Variants in TMEM182 observed in about 807,000 individuals in gnomAD.
TMEM182 encodes the protein transmembrane protein 182.
In TMEM182, 20 loss-of-function variants were observed where a neutral mutation model predicts 26.8. That is an observed-to-expected ratio of 0.75 (90% CI 0.53 to 1.09). The LOEUF (loss-of-function observed/expected upper bound fraction) is 1.09. TMEM182 is among the 50% of genes least tolerant of loss of function. The pLI, the probability that TMEM182 is intolerant of heterozygous loss-of-function variation, is 0.00. For missense variants in TMEM182, 277 were observed against 275.5 expected, an observed-to-expected ratio of 1.01 and a Z score of -0.04; for synonymous variants, 109 against 102.2, an observed-to-expected ratio of 1.07 and a Z score of -0.40.
In TMEM182 at chr2:102,817,396, A is replaced by G; in HGVS notation, c.*2428A>G. The stretch of plus-strand genomic sequence containing the variant: ...GAGTGAATAAAAAGGGCAGTGAGTT[A>G]TGCTCTTGGACTTGGTGAAAGCTAT... On this transcript the variant is annotated 3_prime_UTR_variant, in exon 5 of 5. Coordinates refer to ENST00000412401, the MANE Select transcript of TMEM182 (RefSeq NM_144632.5). 1 of 985,446 alleles carries G rather than the reference A, an allele frequency of 1.0e-6. No homozygotes were observed. The highest frequency in any genetic ancestry group is 1.2e-6 in the Non-Finnish European group (1 of 829,924). 61.0% of individuals were successfully genotyped at this position (985,446 alleles called of 1,614,324 possible).
intron 3 of TMEM182, among the ~76,000 whole-genome samples, chr2:102,769,108 G>T (rs1169958259): frequency 1.3e-5 from 2 of 152,068 alleles, no homozygotes; most frequent in Non-Finnish European, 2.9e-5. Flanking sequence ...GAATTTAACA[G>T]TCAGTTTCTG....
rs760457739 is a variant in TMEM182, at chr2:102,797,903, A to T, written c.372A>T (p.Val124=). The change falls in exon 4 of 5, where the codon GTA becomes GTT. Residue 124 remains valine (V), a synonymous_variant. Transcript: ENST00000412401. Reference sequence around the variant, plus strand: ...GGGCAGTCCTGATGCTCCTGGGGGTAGTTGCTGTAGTCATCGCAAGCTTTT... The same window carrying T: ...GGGCAGTCCTGATGCTCCTGGGGGTTGTTGCTGTAGTCATCGCAAGCTTTT... ...GFWAVLMLLG[V]VAVVIASFLI... 1.2e-6 allele frequency: 2 copies of T among 1,613,880 alleles called. No homozygotes were observed. The highest frequency in any genetic ancestry group is 2.2e-5 in the East Asian group (1 of 44,890).
chr2:102,837,713 G>T (rs1683273046), intron 3 of TMEM182, among the ~76,000 whole-genome samples: 2 of 152,162 alleles, frequency 1.3e-5, no homozygotes, highest in Non-Finnish European at 2.9e-5. Context: ...AGCAGAATGG[G>T]GCTGATGGGC....
At chr2:102,811,689 G>A (rs1042855799) in intron 4 of TMEM182, among the ~76,000 whole-genome samples, 1 of 151,968 alleles carries the variant, frequency 6.6e-6, no homozygotes, top group African/African-American at 2.4e-5. Context: ...TTATTCAATG[G>A]GAAATAATGT....
chr2:102,823,585 G>A (rs549173767), intron 3 of TMEM182, among the ~76,000 whole-genome samples: 15 of 152,064 alleles, frequency 9.9e-5, no homozygotes, highest in Admixed American at 2.6e-4. Context: ...CGCCCACCTC[G>A]GCCTCCCAAA....
At chr2:102,771,258 T>G (rs1383087836) in intron 3 of TMEM182, among the ~76,000 whole-genome samples, 2 of 152,224 alleles carry the variant, frequency 1.3e-5, no homozygotes, top group African/African-American at 2.4e-5. Context: ...TGGTATTCGT[T>G]CAGACATTTG....
chr2:102,763,615 A>C (rs1248288509), intron 2 of TMEM182, among the ~76,000 whole-genome samples: 1 of 152,200 alleles, frequency 6.6e-6, no homozygotes, highest in Non-Finnish European at 1.5e-5. Context: ...CTGATAGACT[A>C]TCTTACAGTG....
intron 3 of TMEM182, among the ~76,000 whole-genome samples, chr2:102,779,881 T>C (rs916242706): frequency 1.6e-4 from 25 of 152,152 alleles, no homozygotes; most frequent in Admixed American, 1.6e-3. Context: ...TGGGTGCCTG[T>C]AATCCCAGCT....
intron 3 of TMEM182, among the ~76,000 whole-genome samples, chr2:102,777,330 G>C (rs1469240635): frequency 6.6e-6 from 1 of 152,064 alleles, no homozygotes; most frequent in South Asian, 2.1e-4. Context: ...AAAGGTGTAA[G>C]ATCTGTGTCT....
At chr2:102,834,370 T>C (rs907785433) in intron 3 of TMEM182, 2 of 985,126 alleles carry the variant, frequency 2.0e-6, no homozygotes, top group Non-Finnish European at 2.4e-6. Context: ...CCTTTTTTTT[T>C]CCTTCTGATC....
chr2:102,821,003 G>A (rs952633563), downstream of TMEM182, among the ~76,000 whole-genome samples: 2 of 152,096 alleles, frequency 1.3e-5, no homozygotes, highest in South Asian at 2.1e-4. Context: ...ACATGTCCAC[G>A]TTTCAACCCT....
intron 4 of TMEM182, among the ~76,000 whole-genome samples, chr2:102,807,698 A>G (rs1682399913): frequency 6.6e-6 from 1 of 152,010 alleles, no homozygotes; most frequent in African/African-American, 2.4e-5. Context: ...TACATGTTGG[A>G]CTCTGGAATG....
intron 2 of TMEM182, among the ~76,000 whole-genome samples, 173 bp downstream of exon 2, chr2:102,762,859 T>C (rs1680274564): frequency 6.6e-6 from 1 of 152,228 alleles, no homozygotes; most frequent in Non-Finnish European, 1.5e-5. Flanking sequence ...GACATGGCTA[T>C]AGGAATAATT....
intron 4 of TMEM182, among the ~76,000 whole-genome samples, chr2:102,807,401 C>T (rs971092194): frequency 6.6e-6 from 1 of 152,008 alleles, no homozygotes; most frequent in African/African-American, 2.4e-5. Context: ...AGAATGTGGA[C>T]GATTATGCAT....
intron 4 of TMEM182, among the ~76,000 whole-genome samples, chr2:102,801,404 G>A (rs567022753): frequency 2.0e-5 from 3 of 152,284 alleles, no homozygotes; most frequent in South Asian, 2.1e-4. Flanking sequence ...CTTGAAGCAG[G>A]CTTTCAGTGG....
chr2:102,786,310 G>A (rs1681394072), intron 3 of TMEM182, among the ~76,000 whole-genome samples: 1 of 147,204 alleles, frequency 6.8e-6, no homozygotes, highest in Non-Finnish European at 1.5e-5. Context: ...TGCCACCTGG[G>A]TTCAAGTGAT....
chr2:102,835,284 G>A (rs1338945603), intron 3 of TMEM182, among the ~76,000 whole-genome samples: 1 of 152,130 alleles, frequency 6.6e-6, no homozygotes, highest in African/African-American at 2.4e-5. Flanking sequence ...TAATAATCGT[G>A]ACTCGATTTT....
At chr2:102,780,851 G>GT (rs1235057247) in intron 3 of TMEM182, among the ~76,000 whole-genome samples, 1 of 152,200 alleles carries the variant, frequency 6.6e-6, no homozygotes, top group Non-Finnish European at 1.5e-5. Flanking sequence ...TTTTCTAAAA[G>GT]TTTTTTGCCT....
At chr2:102,813,902 C>CTCCTTCCT (rs1159283250) in intron 4 of TMEM182, among the ~76,000 whole-genome samples, 1 of 151,782 alleles carries the variant, frequency 6.6e-6, no homozygotes, top group Admixed American at 6.6e-5. Flanking sequence ...CCCTCTGTCC[C>CTCCTTCCT]TCCTTCCTTC....
Sources: gnomAD v4.1 joint callset for allele counts (sites outside exome capture counted in the v4.1 genomes callset) on GRCh38, gnomAD v4.1.1 for gene constraint, MANE v1.5 for transcripts, NCBI Gene and HGNC (gene_info 2026-07-23, HGNC 2026-07-21) for gene names.